The following PTPRZ1 variants were observed in gnomAD, a reference collection of about 807,000 sequenced individuals.
The protein encoded by PTPRZ1 is receptor-type tyrosine-protein phosphatase zeta.
In PTPRZ1, 82 loss-of-function variants were observed where a neutral mutation model predicts 214.1. The observed-to-expected ratio is 0.38, with a 90% CI of 0.32 to 0.46. PTPRZ1 has a LOEUF of 0.46. Among genes scored for constraint, PTPRZ1 ranks in the 20% least tolerant of loss-of-function variants. PTPRZ1 has a pLI of 1.00. For missense variants in PTPRZ1, 2,603 were observed against 2,748.7 expected (o/e 0.95, Z 1.19); for synonymous variants, 945 against 987.9 (o/e 0.96, Z 0.81).
chr7:122,025,347 G>C (rs908219127), intron 13 of PTPRZ1, among the ~76,000 whole-genome samples: 2 of 52,618 alleles, frequency 3.8e-5, no homozygotes, highest in Non-Finnish European at 7.4e-5. Context: ...TTTTTTTTTT[G>C]AGACAGAGTT....
intron 1 of PTPRZ1, among the ~76,000 whole-genome samples, chr7:121,884,788 G>A (rs545167324): frequency 2.0e-5 from 3 of 152,332 alleles, no homozygotes; most frequent in Admixed American, 1.3e-4. Context: ...TAATGTAAAT[G>A]CTAGACTATT....
intron 12 of PTPRZ1, among the ~76,000 whole-genome samples, chr7:122,018,033 A>G (rs995399251): frequency 1.3e-5 from 2 of 152,198 alleles, no homozygotes; most frequent in South Asian, 2.1e-4. Flanking sequence ...TCTTAAATAC[A>G]TATTTAAGTT....
At chr7:121,901,877 C>T (rs1563008811) in intron 1 of PTPRZ1, among the ~76,000 whole-genome samples, 1 of 152,168 alleles carries the variant, frequency 6.6e-6, no homozygotes, top group Non-Finnish European at 1.5e-5. Context: ...ATTCCCTATT[C>T]TAGCTAATTT....
intron 2 of PTPRZ1, among the ~76,000 whole-genome samples, chr7:121,945,374 A>G (rs1796341323): frequency 6.6e-6 from 1 of 152,242 alleles, no homozygotes; most frequent in Non-Finnish European, 1.5e-5. Flanking sequence ...CTAGAATTAT[A>G]GAGATTAAAA....
At chr7:121,961,004 G>A (rs1796859444) in intron 2 of PTPRZ1, among the ~76,000 whole-genome samples, 1 of 151,792 alleles carries the variant, frequency 6.6e-6, no homozygotes, top group South Asian at 2.1e-4. Flanking sequence ...CTCTAAGAAA[G>A]GTACTGAAAC....
At chr7:122,000,267 C>T (rs1798277376) in intron 10 of PTPRZ1, among the ~76,000 whole-genome samples, 1 of 152,082 alleles carries the variant, frequency 6.6e-6, no homozygotes, top group African/African-American at 2.4e-5. Context: ...CACAGATTTA[C>T]AATTTAGTAT....
At chr7:121,890,626 A>C (rs1178346554) in intron 1 of PTPRZ1, among the ~76,000 whole-genome samples, 1 of 152,060 alleles carries the variant, frequency 6.6e-6, no homozygotes, top group Non-Finnish European at 1.5e-5. Flanking sequence ...TCAAGCCCCA[A>C]ATGCTCTGGC....
intron 2 of PTPRZ1, among the ~76,000 whole-genome samples, chr7:121,951,223 T>G (rs1156290056): frequency 6.6e-6 from 1 of 152,230 alleles, no homozygotes; most frequent in Non-Finnish European, 1.5e-5. Context: ...TCCAAAATTT[T>G]AGTTCAATTT....
At chr7:121,914,100 A>G (rs1795351684) in intron 1 of PTPRZ1, among the ~76,000 whole-genome samples, 1 of 152,128 alleles carries the variant, frequency 6.6e-6, no homozygotes, top group Non-Finnish European at 1.5e-5. Flanking sequence ...GATCCCTTGA[A>G]CCCAGGAGTT....
intron 8 of PTPRZ1, 115 bp from the exon 9 acceptor site, chr7:121,996,267 A>T: frequency 1.3e-6 from 1 of 747,082 alleles, no homozygotes; most frequent in Non-Finnish European, 2.0e-6. Flanking sequence ...GGGAAAGTGT[A>T]ACTTTTTACT....
At chr7:121,951,260 T>G (rs1796533290) in intron 2 of PTPRZ1, among the ~76,000 whole-genome samples, 1 of 152,244 alleles carries the variant, frequency 6.6e-6, no homozygotes, top group South Asian at 2.1e-4. Flanking sequence ...TGCTGTCTTC[T>G]TGGAGCTGAG....
chr7:122,023,860 A>G (rs920098866), intron 13 of PTPRZ1, among the ~76,000 whole-genome samples: 9 of 142,696 alleles, frequency 6.3e-5, no homozygotes, highest in Admixed American at 2.2e-4. Context: ...TAAAAAAAAA[A>G]AAGATTGTAG....
chr7:121,881,350 A>G (rs1794232906), intron 1 of PTPRZ1, among the ~76,000 whole-genome samples: 1 of 152,214 alleles, frequency 6.6e-6, no homozygotes. Flanking sequence ...TTGTTATAGT[A>G]GCCCAAGCTG....
intron 3 of PTPRZ1, among the ~76,000 whole-genome samples, chr7:121,969,287 CG>C (rs1797143641): frequency 6.6e-6 from 1 of 151,930 alleles, no homozygotes; most frequent in South Asian, 2.1e-4. Context: ...TCCTGCTGGG[CG>C]CAGTGGCTCA....
At chr7:121,942,531 G>T (rs1324258193) in intron 2 of PTPRZ1, among the ~76,000 whole-genome samples, 2 of 152,126 alleles carry the variant, frequency 1.3e-5, no homozygotes, top group Non-Finnish European at 2.9e-5. Context: ...ACATGTTTAG[G>T]TAAATTGCAA....
intron 8 of PTPRZ1, among the ~76,000 whole-genome samples, chr7:121,995,341 A>G (rs1043494898): frequency 1.3e-5 from 2 of 152,204 alleles, no homozygotes; most frequent in African/African-American, 4.8e-5. Context: ...ACAAGTAAGT[A>G]TATTAATTAA....
chr7:121,975,232 T>G (rs949881120), intron 4 of PTPRZ1, among the ~76,000 whole-genome samples: 16 of 152,116 alleles, frequency 1.1e-4, no homozygotes, highest in Admixed American at 3.3e-4. Flanking sequence ...CTAAATACCA[T>G]ATGGGAGGTC....
chr7:121,945,234 A>G (rs1332122266), intron 2 of PTPRZ1, among the ~76,000 whole-genome samples: 1 of 152,224 alleles, frequency 6.6e-6, no homozygotes, highest in Admixed American at 6.5e-5. Context: ...ATTCTAAAAT[A>G]ACAGAGAACA....
chr7:121,926,531 TGAAA>T (rs1455681430), intron 1 of PTPRZ1, among the ~76,000 whole-genome samples: 3 of 152,042 alleles, frequency 2.0e-5, no homozygotes, highest in Non-Finnish European at 4.4e-5. Context: ...TTATGTGACG[TGAAA>T]GAAGGTGGTC....
Sources: gnomAD v4.1 joint callset for allele counts (sites outside exome capture counted in the v4.1 genomes callset) on GRCh38, gnomAD v4.1.1 for gene constraint, MANE v1.5 for transcripts, NCBI Gene and HGNC (gene_info 2026-07-23, HGNC 2026-07-21) for gene names.